SLC26A7: variants seen among roughly 807,000 people sequenced by gnomAD.
SLC26A7 encodes anion exchange transporter.
SLC26A7 carries 59 observed loss-of-function variants against 82.5 expected under a neutral mutation model. The observed-to-expected ratio is 0.72, with a 90% CI of 0.58 to 0.89. SLC26A7 has a LOEUF of 0.89. Among genes scored for constraint, SLC26A7 ranks in the 40% least tolerant of loss-of-function variants. The pLI is 0.00. For missense variants in SLC26A7, 820 were observed against 793.0 expected (o/e 1.03, Z -0.41); for synonymous variants, 271 against 274.3 (o/e 0.99, Z 0.12).
At position 91,343,987 on chromosome 8, in the gene SLC26A7, G is replaced by A. The variant is rs1813491336; in HGVS notation, c.1140+521G>A. On this transcript the variant is annotated intron_variant, in intron 9 of 18. Coordinates refer to ENST00000276609, the MANE Select transcript of SLC26A7 (RefSeq NM_052832.4). ...TCTATTGAGGGCCTGTGATATACCAGGCATTCTGCTGGGTACTGGTAAGAT... is the reference window on the plus strand; with the variant it reads ...TCTATTGAGGGCCTGTGATATACCAAGCATTCTGCTGGGTACTGGTAAGAT... 8 of 918,916 alleles carry A rather than the reference G, an allele frequency of 8.7e-6. No individual in the cohort carries two copies. In the Admixed American group the frequency reaches 3.1e-4, roughly 36 times the overall value. 56.9% of individuals were successfully genotyped at this position (918,916 alleles called of 1,614,324 possible).
chr8:91,328,563 T>C (rs924241103), intron 5 of SLC26A7, among the ~76,000 whole-genome samples: 1 of 152,112 alleles, frequency 6.6e-6, no homozygotes, highest in Admixed American at 6.6e-5. Context: ...CAAGGTAAAA[T>C]CTATGCCTAC....
intron 2 of SLC26A7, among the ~76,000 whole-genome samples, chr8:91,251,756 G>A (rs1398459187): frequency 6.6e-6 from 1 of 152,026 alleles, no homozygotes; most frequent in African/African-American, 2.4e-5. Context: ...AAGTAGTGGA[G>A]TCAGGACTTG....
At chr8:91,264,556 C>G (rs903199560) in intron 2 of SLC26A7, among the ~76,000 whole-genome samples, 1 of 152,002 alleles carries the variant, frequency 6.6e-6, no homozygotes, top group Non-Finnish European at 1.5e-5. Flanking sequence ...CTAGATTTGC[C>G]TCCAGTCTCT....
chr8:91,376,558 C>T lies in SLC26A7; in HGVS notation c.1675+6725C>T, dbSNP rs544728977. Among the ~76,000 whole-genome samples, 12 of 152,206 alleles carry T rather than the reference C, an allele frequency of 7.9e-5. No individual in the cohort carries two copies. In the South Asian group the frequency reaches 8.3e-4, roughly 11 times the overall value. ...GATGCTGCCTGTTGTAGTGATATAT[C>T]GAATGTAAGAGCCAAAACAGTATCT... On this transcript the variant is annotated intron_variant, in intron 15 of 18. Transcript: ENST00000276609.
intron 2 of SLC26A7, among the ~76,000 whole-genome samples, chr8:91,243,102 G>A (rs975687379): frequency 2.6e-5 from 4 of 152,070 alleles, no homozygotes; most frequent in Non-Finnish European, 2.9e-5. Flanking sequence ...AAGTCAGAAC[G>A]CAGCTAAAAA....
At position 91,366,724 on chromosome 8, in the gene SLC26A7, T is replaced by A; in HGVS notation, c.1626+7T>A. Reference sequence around the variant, plus strand: ...ACTTGATGATATCAGCAAGGTAGGATCAATGGTTTGATTAGAATGTCATAC... The same window carrying A: ...ACTTGATGATATCAGCAAGGTAGGAACAATGGTTTGATTAGAATGTCATAC... On this transcript the variant is annotated splice_region_variant and intron_variant, in intron 14 of 18. Coordinates refer to ENST00000276609, the MANE Select transcript of SLC26A7 (RefSeq NM_052832.4). 6.2e-7 allele frequency: 1 copy of A among 1,606,976 alleles called. No homozygotes were observed. Among genetic ancestry groups the A allele is most frequent in the African/African-American group, 1.3e-5 (1 of 74,356 alleles).
At chr8:91,250,084 A>G (rs540000087) in intron 2 of SLC26A7, among the ~76,000 whole-genome samples, 21 of 152,288 alleles carry the variant, frequency 1.4e-4, no homozygotes, top group African/African-American at 4.8e-4. Context: ...TTTCACTGTT[A>G]AAATTCACAC....
intron 13 of SLC26A7, among the ~76,000 whole-genome samples, chr8:91,365,756 T>G (rs1362556221): frequency 6.6e-6 from 1 of 152,212 alleles, no homozygotes; most frequent in African/African-American, 2.4e-5. Flanking sequence ...TCTTTCATAC[T>G]TCTATCCTCT....
chr8:91,378,495 T>C (rs1814581463), intron 15 of SLC26A7, among the ~76,000 whole-genome samples: 2 of 147,070 alleles, frequency 1.4e-5, no homozygotes, highest in African/African-American at 5.0e-5. Context: ...TTGATATATT[T>C]ATTAGGTATA....
chr8:91,312,819 TC>T (rs1297851229), intron 4 of SLC26A7, among the ~76,000 whole-genome samples: 1 of 152,176 alleles, frequency 6.6e-6, no homozygotes. Context: ...TCTATACACA[TC>T]CTTTGCCCGT....
intron 2 of SLC26A7, among the ~76,000 whole-genome samples, chr8:91,283,040 A>T (rs989864667): frequency 6.6e-5 from 10 of 152,188 alleles, no homozygotes; most frequent in African/African-American, 1.4e-4. Context: ...CAAAAAATTT[A>T]AAAAAATCAT....
intron 2 of SLC26A7, among the ~76,000 whole-genome samples, chr8:91,235,715 A>T (rs1810385084): frequency 6.6e-6 from 1 of 152,246 alleles, no homozygotes; most frequent in Non-Finnish European, 1.5e-5. Flanking sequence ...CAAACTCAGG[A>T]AATACTTCCA....
chr8:91,333,926 C>T (rs1461617411), intron 5 of SLC26A7, among the ~76,000 whole-genome samples: 2 of 152,030 alleles, frequency 1.3e-5, no homozygotes, highest in African/African-American at 4.8e-5. Context: ...TTGAGGAGGG[C>T]CCCAAAGTTG....
chr8:91,248,061 C>T (rs568224084), upstream of SLC26A7, among the ~76,000 whole-genome samples: 1 of 152,070 alleles, frequency 6.6e-6, no homozygotes, highest in Non-Finnish European at 1.5e-5. Context: ...TTGGTGAGTT[C>T]ATCTCTCATA....
chr8:91,379,702 G>A (rs1250678724), intron 15 of SLC26A7, among the ~76,000 whole-genome samples: 1 of 151,838 alleles, frequency 6.6e-6, no homozygotes, highest in African/African-American at 2.4e-5. Flanking sequence ...AAACTTAGAA[G>A]AGCATATAGG....
chr8:91,380,198 G>C (rs182113495), intron 15 of SLC26A7, among the ~76,000 whole-genome samples: 1 of 152,208 alleles, frequency 6.6e-6, no homozygotes, highest in African/African-American at 2.4e-5. Flanking sequence ...GTCGGTGGTA[G>C]TATAAACTCT....
chr8:91,346,617 CTGGTATTTCTGCAGAAA>C (rs1563691326), intron 9 of SLC26A7, among the ~76,000 whole-genome samples: 1 of 152,252 alleles, frequency 6.6e-6, no homozygotes, highest in African/African-American at 2.4e-5. Context: ...AGAAACATTT[CTGGTATTTCTGCAGAAA>C]TGGTATTTCT....
chr8:91,253,974 T>C (rs186721685), intron 2 of SLC26A7, among the ~76,000 whole-genome samples: 86 of 152,252 alleles, frequency 5.6e-4, no homozygotes, highest in African/African-American at 2.0e-3. Context: ...ATTCTTATGT[T>C]TTATTATATA....
Position 91,289,190 on chromosome 8 carries a change from C to T in SLC26A7, c.248C>T (p.Ser83Phe). The T allele has an allele frequency of 6.2e-7, 1 of 1,613,998 alleles. No homozygotes were observed. The highest frequency in any genetic ancestry group is 1.7e-5 in the Admixed American group (1 of 60,016). ...CACCCAGTGTTTGGTTTATATGGGT[C>T]TCTGTTTCCTGCCATAATTTATGCC... is the stretch of plus-strand genomic sequence containing the variant. ...SVHPVFGLYGSLFPAIIYAIF... is the reference protein window; with the variant it reads ...SVHPVFGLYGFLFPAIIYAIF... Residue 83 changes from serine to phenylalanine, a missense_variant, in exon 3 of 19, where the codon TCT (serine) becomes TTT (phenylalanine). Physicochemically the swap from Ser to Phe is radical, Grantham distance 155. Coordinates refer to ENST00000276609, the MANE Select transcript of SLC26A7 (RefSeq NM_052832.4).
Sources: allele counts gnomAD v4.1 joint callset (sites outside exome capture counted in the v4.1 genomes callset), GRCh38; gene constraint gnomAD v4.1.1; transcripts MANE v1.5; gene names NCBI Gene and HGNC (gene_info 2026-07-23, HGNC 2026-07-21).